Variants in ZDHHC17 observed in about 807,000 individuals in gnomAD.
The protein encoded by ZDHHC17 is zDHHC palmitoyltransferase 17, also known as palmitoyltransferase ZDHHC17.
ZDHHC17 carries 40 observed loss-of-function variants against 90.3 expected under a neutral mutation model. The observed-to-expected ratio is 0.44, with a 90% CI of 0.34 to 0.58. The LOEUF is 0.58. Among genes scored for constraint, ZDHHC17 ranks in the 20% least tolerant of loss-of-function variants. The pLI is 0.01. For missense variants in ZDHHC17, 614 were observed against 780.8 expected (o/e 0.79, Z 2.55); for synonymous variants, 235 against 252.4 (o/e 0.93, Z 0.65).
In ZDHHC17 at chr12:76,826,915, G is replaced by T; in HGVS notation, c.905G>T (p.Arg302Leu). ...LRKLKADKEF[R>L]QKVMLGTPFL... The stretch of plus-strand genomic sequence containing the variant: ...TTTTTTGTTTCTATACAGGAATTTC[G>T]GCAGAAAGTAATGTTAGGAACTCCT... The change falls in exon 9 of 17, where the codon CGG becomes CTG. Residue 302 changes from arginine (R) to leucine (L), a missense_variant. By Grantham distance (102) the Arg-to-Leu change is moderately radical. Transcript: ENST00000426126. 1 of 1,510,288 alleles carries T rather than the reference G, an allele frequency of 6.6e-7. No homozygotes were observed. The highest frequency in any genetic ancestry group is 8.8e-7 in the Non-Finnish European group (1 of 1,140,820). The allele number at this position is 1,510,288 out of a possible 1,614,324, so 93.6% of individuals were successfully genotyped here. A position where few individuals can be genotyped will look rare whatever the true frequency, so the allele number is the denominator to read the frequency against.
chr12:76,832,365 C>G (rs1953314111), intron 10 of ZDHHC17, among the ~76,000 whole-genome samples: 1 of 152,196 alleles, frequency 6.6e-6, no homozygotes, highest in Non-Finnish European at 1.5e-5. Flanking sequence ...GTAATTAAAA[C>G]TGATTAGACT....
chr12:76,849,724 T>G lies in ZDHHC17; in HGVS notation c.1760+254T>G, dbSNP rs538851507. 1.5e-5 allele frequency: 4 copies of G among 269,748 alleles called. No homozygotes were observed. The East Asian group carries it at 3.5e-4, about 24-fold the overall frequency. The allele number at this position is 269,748 out of a possible 1,614,324, so 16.7% of individuals were successfully genotyped here. ...TATTCAGTCTGGTGCTTAGAAATAGTAGGGTCCTAAGTATATGAAATATTT... is the reference window on the plus strand; with the variant it reads ...TATTCAGTCTGGTGCTTAGAAATAGGAGGGTCCTAAGTATATGAAATATTT... On this transcript the variant is annotated intron_variant, in intron 16 of 16. Coordinates refer to ENST00000426126, the MANE Select transcript of ZDHHC17 (RefSeq NM_015336.4).
At chr12:76,839,757 G>C (rs1164607594) in intron 10 of ZDHHC17, among the ~76,000 whole-genome samples, 1 of 152,142 alleles carries the variant, frequency 6.6e-6, no homozygotes, top group African/African-American at 2.4e-5. Context: ...TAAATTGGCA[G>C]CGTTTTTTCA....
At chr12:76,784,439 AATC>A (rs1952663167) in intron 1 of ZDHHC17, among the ~76,000 whole-genome samples, 2 of 152,314 alleles carry the variant, frequency 1.3e-5, no homozygotes, top group Admixed American at 1.3e-4. Context: ...GCCCCAAAGA[AATC>A]AGCAGTATAT....
chr12:76,795,219 T>G (rs1022435308), intron 1 of ZDHHC17, among the ~76,000 whole-genome samples: 14 of 148,946 alleles, frequency 9.4e-5, no homozygotes, highest in Admixed American at 2.0e-4. Context: ...GGTTCATGGG[T>G]GTGTGTGTGT....
chr12:76,775,982 A>T (rs996549493), intron 1 of ZDHHC17, among the ~76,000 whole-genome samples: 2 of 152,170 alleles, frequency 1.3e-5, no homozygotes, highest in African/African-American at 4.8e-5. Flanking sequence ...GTAAATAGCC[A>T]GAATCTTCCA....
At chr12:76,778,846 T>G (rs1952592341) in intron 1 of ZDHHC17, among the ~76,000 whole-genome samples, 1 of 152,210 alleles carries the variant, frequency 6.6e-6, no homozygotes, top group Non-Finnish European at 1.5e-5. Context: ...ACAATGGAAA[T>G]TTTTTTTCTC....
intron 10 of ZDHHC17, among the ~76,000 whole-genome samples, chr12:76,831,957 A>G (rs761965634): frequency 3.5e-4 from 53 of 152,300 alleles, no homozygotes; most frequent in Non-Finnish European, 6.0e-4. Context: ...AGTTTGTTTG[A>G]ACATTTGTGT....
intron 2 of ZDHHC17, among the ~76,000 whole-genome samples, chr12:76,799,049 A>G (rs1952856045): frequency 6.6e-6 from 1 of 152,236 alleles, no homozygotes. Flanking sequence ...AGGTGGGAGG[A>G]CCGCTTGTGC....
At chr12:76,843,105 T>C in intron 12 of ZDHHC17, 124 bp downstream of exon 12, 1 of 670,738 alleles carries the variant, frequency 1.5e-6, no homozygotes, top group African/African-American at 1.9e-5. Context: ...TGCTTCTTGG[T>C]ATAAGAGGAA....
At chr12:76,797,657 T>A in intron 2 of ZDHHC17, 120 bp downstream of exon 2, 1 of 714,724 alleles carries the variant, frequency 1.4e-6, no homozygotes. Context: ...AAAATTAGTT[T>A]ATGGGCCGGT....
chr12:76,789,654 A>G (rs1952736298), intron 1 of ZDHHC17, among the ~76,000 whole-genome samples: 1 of 152,194 alleles, frequency 6.6e-6, no homozygotes, highest in African/African-American at 2.4e-5. Context: ...CTATATAAAA[A>G]TACATAAACA....
intron 2 of ZDHHC17, among the ~76,000 whole-genome samples, chr12:76,802,774 ATTTC>A (rs1952906900): frequency 6.6e-6 from 1 of 152,104 alleles, no homozygotes; most frequent in Non-Finnish European, 1.5e-5. Flanking sequence ...TAGTTCTAGA[ATTTC>A]TTTCTGGTTT....
At chr12:76,764,553 T>C (rs1952407926) in intron 1 of ZDHHC17, 1 of 581,378 alleles carries the variant, frequency 1.7e-6, no homozygotes, top group Admixed American at 3.0e-5. Flanking sequence ...AGTCCCTGGC[T>C]GTGCCTGGAG....
intron 3 of ZDHHC17, among the ~76,000 whole-genome samples, chr12:76,806,869 GAGTGT>G (rs1186222709): frequency 6.6e-6 from 1 of 152,246 alleles, no homozygotes; most frequent in African/African-American, 2.4e-5. Context: ...GCAACACACG[GAGTGT>G]AGAGACAAGT....
chr12:76,815,046 A>C, intron 5 of ZDHHC17, 100 bp from the exon 6 acceptor site: 10 of 662,626 alleles, frequency 1.5e-5, no homozygotes, highest in Non-Finnish European at 2.5e-5. Flanking sequence ...GTAGTATTAT[A>C]TTCGCTTCTC....
At position 76,849,467 on chromosome 12, in the gene ZDHHC17, T is replaced by TC; in HGVS notation, c.1758dup (p.Asn587GlnfsTer13). On this transcript the variant is annotated frameshift_variant, in exon 16 of 17. Coordinates refer to ENST00000426126, the MANE Select transcript of ZDHHC17 (RefSeq NM_015336.4). LOFTEE classifies it high-confidence loss of function. ...ACAACAACGTCTATTGAAAGCCCAT[T>TC]CAAGTATGTACATATTTATAAATTT... The TC allele has an allele frequency of 1.3e-6, 2 of 1,528,272 alleles. No individual in the cohort carries two copies. Among genetic ancestry groups the TC allele is most frequent in the Non-Finnish European group, 1.8e-6 (2 of 1,133,708 alleles). The allele number at this position is 1,528,272 out of a possible 1,614,324, so 94.7% of individuals were successfully genotyped here. A position where few individuals can be genotyped will look rare whatever the true frequency, so the allele number is the denominator to read the frequency against.
At position 76,851,027 on chromosome 12, in the gene ZDHHC17, A is replaced by C; in HGVS notation, c.*42A>C. 6.2e-7 allele frequency: 1 copy of C among 1,611,960 alleles called. No homozygotes were observed. Among genetic ancestry groups the C allele is most frequent in the Non-Finnish European group, 8.5e-7 (1 of 1,179,076 alleles). On this transcript the variant is annotated 3_prime_UTR_variant, in exon 17 of 17. Coordinates refer to ENST00000426126, the MANE Select transcript of ZDHHC17 (RefSeq NM_015336.4). The stretch of plus-strand genomic sequence containing the variant: ...GAAGCATATTGCTGAGTGGTGCCTG[A>C]AAATTGTGTCTGTCCGTGTCTTTCT...
At position 76,764,205 on chromosome 12, in the gene ZDHHC17, A is replaced by G. The variant is rs1952397138; in HGVS notation, c.-32A>G. 7.0e-7 allele frequency: 1 copy of G among 1,430,218 alleles called. No homozygotes were observed. Among genetic ancestry groups the G allele is most frequent in the South Asian group, 1.2e-5 (1 of 81,398 alleles). The allele number at this position is 1,430,218 out of a possible 1,614,324, so 88.6% of individuals were successfully genotyped here. A position where few individuals can be genotyped will look rare whatever the true frequency, so the allele number is the denominator to read the frequency against. ...CCGCGCTCGCCCTCCGCCTCGCCCG[A>G]GCCCCGGGAGGGTGAAACGCTTTCT... is the stretch of plus-strand genomic sequence containing the variant. On this transcript the variant is annotated 5_prime_UTR_variant, in exon 1 of 17. Transcript: ENST00000426126.
Sources: allele counts gnomAD v4.1 joint callset (sites outside exome capture counted in the v4.1 genomes callset), GRCh38; gene constraint gnomAD v4.1.1; transcripts MANE v1.5; gene names NCBI Gene and HGNC (gene_info 2026-07-23, HGNC 2026-07-21).